SMARCB1: variants seen among roughly 807,000 people sequenced by gnomAD.
SMARCB1 encodes the protein SWI/SNF related BAF chromatin remodeling complex subunit B1, also known as SWI/SNF-related matrix-associated actin-dependent regulator of chromatin subfamily B member 1.
SMARCB1 carries 5 observed loss-of-function variants against 49.0 expected under a neutral mutation model. The ratio of observed to expected loss-of-function variants is 0.10; its 90% confidence interval spans 0.05 to 0.21. SMARCB1 has a LOEUF of 0.21. Among genes scored for constraint, SMARCB1 ranks in the 10% least tolerant of loss-of-function variants. The probability of loss-of-function intolerance (pLI) is 1.00; values close to 1 mark genes in which losing one functional copy is unlikely to be tolerated. For missense variants in SMARCB1, 226 were observed against 509.2 expected (o/e 0.44, Z 5.35); for synonymous variants, 201 against 200.1 (o/e 1.00, Z -0.04).
intron 5 of SMARCB1, among the ~76,000 whole-genome samples, chr22:23,806,919 C>CAAAA (rs61000279): frequency 1.5e-4 from 13 of 86,824 alleles, no homozygotes; most frequent in African/African-American, 1.2e-4. Context: ...GACTCTATCT[C>CAAAA]AAAAAAAAAA....
chr22:23,819,770 C>A (rs942193565), intron 6 of SMARCB1, among the ~76,000 whole-genome samples: 2 of 148,350 alleles, frequency 1.3e-5, no homozygotes, highest in Admixed American at 1.3e-4. Flanking sequence ...TATATTCCTA[C>A]CAGCAAGGCG....
At position 23,792,038 on chromosome 22, in the gene SMARCB1, G is replaced by A. The variant is rs562325554; in HGVS notation, c.232+144G>A. 520 of 782,648 alleles carry A rather than the reference G, an allele frequency of 6.6e-4. 2 individuals are homozygous for A. In the African/African-American group the frequency reaches 8.0e-3, roughly 12 times the overall value. The allele number at this position is 782,648 out of a possible 1,614,324, so 48.5% of individuals were successfully genotyped here. A position where few individuals can be genotyped will look rare whatever the true frequency, so the allele number is the denominator to read the frequency against. On this transcript the variant is annotated intron_variant, in intron 2 of 8. Coordinates refer to ENST00000644036, the MANE Select transcript of SMARCB1 (RefSeq NM_003073.5). Reference sequence around the variant, plus strand: ...CATCCCGGGGTGGGCCGCCCTGTGAGCACTCCAGGCAAGGAAGTGGCTCCA... The same window carrying A: ...CATCCCGGGGTGGGCCGCCCTGTGAACACTCCAGGCAAGGAAGTGGCTCCA...
chr22:23,800,991 A>G lies in SMARCB1; in HGVS notation c.410A>G (p.Asn137Ser), dbSNP rs765717675. 1 of 1,614,104 alleles carries G rather than the reference A, an allele frequency of 6.2e-7. No homozygotes were observed. ...AGCCAGTGGGTACCCACCCTGCCCA[A>G]CAGCTCCCACCACTTAGATGCCGTG... ...RNSQWVPTLP[N>S]SSHHLDAVPC... is the part of the protein sequence containing the mutation. Residue 137 changes from asparagine to serine, a missense_variant, in exon 4 of 9, where the codon AAC (asparagine) becomes AGC (serine). Asn to Ser is a conservative substitution (Grantham distance 46). This residue lies in a region of SMARCB1 where 128 missense variants were observed against 263.9 expected (regional missense o/e 0.49). Coordinates refer to ENST00000644036, the MANE Select transcript of SMARCB1 (RefSeq NM_003073.5).
At chr22:23,816,510 G>A (rs2070456) in intron 5 of SMARCB1, 2 of 595,410 alleles carry the variant, frequency 3.4e-6, no homozygotes, top group Admixed American at 2.9e-5. Context: ...CCAGCTATGA[G>A]TGGAATGAGG....
chr22:23,824,891 G>A, intron 6 of SMARCB1: 1 of 434,776 alleles, frequency 2.3e-6, no homozygotes, highest in South Asian at 2.3e-5. Context: ...ACCGATGGCA[G>A]CAGGAGCGAA....
At position 23,836,564 on chromosome 22, in the gene SMARCB1, G is replaced by A. The variant is rs903381090; in HGVS notation, c.*2384G>A. 9.0e-7 allele frequency: 1 copy of A among 1,107,524 alleles called. No individual in the cohort carries two copies. The highest frequency in any genetic ancestry group is 5.1e-5 in the Admixed American group (1 of 19,506). The allele number at this position is 1,107,524 out of a possible 1,614,324, so 68.6% of individuals were successfully genotyped here. On this transcript the variant is annotated 3_prime_UTR_variant, in exon 9 of 9. Coordinates refer to ENST00000644036, the MANE Select transcript of SMARCB1 (RefSeq NM_003073.5). ...GCTCAAAAGCTCTGCCTGGCAACCT[G>A]TGAGCTCAAAGCTCTGCCAGGCAAC...
chr22:23,819,754 A>AC (rs61408070), intron 6 of SMARCB1, among the ~76,000 whole-genome samples: 138,940 of 150,620 alleles, frequency 0.92, 64,210 homozygotes, highest in Middle Eastern at 0.97. Context: ...CGGTGGCTGC[A>AC]CCTTTTATAT....
intron 6 of SMARCB1, among the ~76,000 whole-genome samples, chr22:23,820,375 G>A (rs2146018654): frequency 6.6e-6 from 1 of 152,242 alleles, no homozygotes; most frequent in South Asian, 2.1e-4. Flanking sequence ...GGGAGTTAGA[G>A]ACTACCTGAC....
At chr22:23,807,114 G>T (rs1456255530) in intron 5 of SMARCB1, among the ~76,000 whole-genome samples, 1 of 152,124 alleles carries the variant, frequency 6.6e-6, no homozygotes, top group Non-Finnish European at 1.5e-5. Flanking sequence ...AAGATGAGTT[G>T]CCTAACCAGA....
intron 5 of SMARCB1, among the ~76,000 whole-genome samples, chr22:23,811,138 C>A (rs1156400210): frequency 6.6e-6 from 1 of 151,566 alleles, no homozygotes; most frequent in South Asian, 2.1e-4. Context: ...AGAAAATGAC[C>A]AGAGACAGAG....
At chr22:23,809,781 A>C (rs1329806197) in intron 5 of SMARCB1, among the ~76,000 whole-genome samples, 2 of 152,158 alleles carry the variant, frequency 1.3e-5, no homozygotes, top group African/African-American at 2.4e-5. Flanking sequence ...AAGTACTGAA[A>C]GAAAAGAACT....
In SMARCB1 at chr22:23,804,629, C is replaced by T. The variant is rs187548515; in HGVS notation, c.628+1207C>T. 5.6e-3 allele frequency among the ~76,000 whole-genome samples: 850 copies of T among 152,238 alleles called. 4 individuals carry two copies. The highest frequency in any genetic ancestry group is 9.3e-3 in the Non-Finnish European group (631 of 68,008). ...CACGATCTCGGCTCACTGCAACCTCCGCCTCCTAAGTTCAAGCGATTCTCG... is the reference window on the plus strand; with the variant it reads ...CACGATCTCGGCTCACTGCAACCTCTGCCTCCTAAGTTCAAGCGATTCTCG... On this transcript the variant is annotated intron_variant, in intron 5 of 8. Transcript: ENST00000644036.
chr22:23,813,807 T>C (rs1930019575), intron 5 of SMARCB1, among the ~76,000 whole-genome samples: 1 of 152,064 alleles, frequency 6.6e-6, no homozygotes, highest in Admixed American at 6.5e-5. Context: ...GAAACTAAAA[T>C]AGCTAAAGCA....
rs185643468 is a variant in SMARCB1, at chr22:23,826,898, G to A, written c.986+1483G>A. On this transcript the variant is annotated intron_variant, in intron 7 of 8. Transcript: ENST00000644036. ...GACCTGCCCCCCAGCAGCCCTGCCAGTCACATGGTTCTGCTTCACAGACAG... is the reference window on the plus strand; with the variant it reads ...GACCTGCCCCCCAGCAGCCCTGCCAATCACATGGTTCTGCTTCACAGACAG... Among the ~76,000 whole-genome samples, 4 of 152,170 alleles carry A rather than the reference G, an allele frequency of 2.6e-5. No individual in the cohort carries two copies. In the East Asian group the frequency reaches 7.7e-4, roughly 29 times the overall value.
At chr22:23,824,238 A>C (rs1297889989) in intron 6 of SMARCB1, 3 of 152,250 alleles carry the variant, frequency 2.0e-5, no homozygotes, top group Non-Finnish European at 4.4e-5. Context: ...AAGTCCCCGG[A>C]AGGGCTGGAC....
chr22:23,801,299 C>T, intron 4 of SMARCB1: 1 of 749,462 alleles, frequency 1.3e-6, no homozygotes, highest in Non-Finnish European at 2.3e-6. Flanking sequence ...GCCATGTCCT[C>T]CTCACCTCTC....
intron 1 of SMARCB1, among the ~76,000 whole-genome samples, chr22:23,790,364 C>T (rs970796130): frequency 3.9e-5 from 6 of 151,934 alleles, no homozygotes; most frequent in African/African-American, 1.2e-4. Context: ...GTTCAGTAGC[C>T]CTGGTTGTTG....
At chr22:23,808,270 G>A (rs1397164836) in intron 5 of SMARCB1, among the ~76,000 whole-genome samples, 2 of 151,972 alleles carry the variant, frequency 1.3e-5, no homozygotes, top group Admixed American at 6.6e-5. Flanking sequence ...ACAGGTGCCC[G>A]CCGCCATGCC....
intron 1 of SMARCB1, 111 bp from the exon 2 acceptor site, chr22:23,791,645 G>T: frequency 9.5e-7 from 1 of 1,047,222 alleles, no homozygotes; most frequent in Non-Finnish European, 1.5e-6. Context: ...GTGGCGCCTG[G>T]GGGCCACCTC....
Sources: gnomAD v4.1 joint callset for allele counts (sites outside exome capture counted in the v4.1 genomes callset) on GRCh38, gnomAD v4.1.1 for gene constraint, gnomAD v4.1.1 regional missense constraint, MANE v1.5 for transcripts, NCBI Gene and HGNC (gene_info 2026-07-23, HGNC 2026-07-21) for gene names.